THEMIS: variants seen among roughly 807,000 people sequenced by gnomAD.
THEMIS encodes protein THEMIS.
In THEMIS, 37 loss-of-function variants were observed where a neutral mutation model predicts 52.6. The ratio of observed to expected loss-of-function variants is 0.70; its 90% CI spans 0.54 to 0.93. The LOEUF (loss-of-function observed/expected upper bound fraction) is 0.93. Among genes scored for constraint, THEMIS ranks in the 40% least tolerant of loss-of-function variants. The probability of loss-of-function intolerance (pLI) is 0.00; values close to 1 mark genes in which losing one functional copy is unlikely to be tolerated. For missense variants in THEMIS, 808 were observed against 763.1 expected, an observed-to-expected ratio of 1.06 and a Z score of -0.69; for synonymous variants, 292 against 272.7, an observed-to-expected ratio of 1.07 and a Z score of -0.70.
chr6:127,718,856 A>G (rs1193963867), intron 5 of THEMIS, among the ~76,000 whole-genome samples: 3 of 151,912 alleles, frequency 2.0e-5, no homozygotes, highest in Non-Finnish European at 2.9e-5. Flanking sequence ...AGCTAACTAC[A>G]TGAAAGAACC....
intron 2 of THEMIS, among the ~76,000 whole-genome samples, chr6:127,840,418 T>C (rs1235790874): frequency 2.0e-5 from 3 of 152,124 alleles, no homozygotes; most frequent in African/African-American, 7.2e-5. Context: ...AACATGTGTC[T>C]ATATGTATGC....
At chr6:127,700,043 C>T in the THEMIS span, among the ~76,000 whole-genome samples, 18 of 151,478 alleles carry the variant, frequency 1.2e-4, no homozygotes, top group South Asian at 1.5e-3. Flanking sequence ...AAAATATTTG[C>T]GAATCACATT....
At chr6:127,845,338 A>G (rs893209349) in intron 2 of THEMIS, among the ~76,000 whole-genome samples, 20 of 152,062 alleles carry the variant, frequency 1.3e-4, no homozygotes, top group African/African-American at 4.8e-4. Context: ...AGAGCAGGTC[A>G]ATTTTTTTCA....
chr6:127,717,966 A>G (rs1774229579), intron 5 of THEMIS, among the ~76,000 whole-genome samples: 1 of 151,844 alleles, frequency 6.6e-6, no homozygotes, highest in South Asian at 2.1e-4. Flanking sequence ...CCCATCCTGA[A>G]CTCAAAGAAG....
chr6:127,744,745 T>C (rs1397949281), intron 4 of THEMIS, among the ~76,000 whole-genome samples: 2 of 151,948 alleles, frequency 1.3e-5, no homozygotes, highest in African/African-American at 4.8e-5. Flanking sequence ...ATTATAGATA[T>C]ATGCTCTACA....
At chr6:127,699,188 A>G in the THEMIS span, among the ~76,000 whole-genome samples, 1 of 151,806 alleles carries the variant, frequency 6.6e-6, no homozygotes, top group Non-Finnish European at 1.5e-5. Context: ...AAAAGTGCCT[A>G]TGTGATCCAC....
intron 4 of THEMIS, among the ~76,000 whole-genome samples, chr6:127,806,236 G>A (rs1429075848): frequency 6.6e-6 from 1 of 152,022 alleles, no homozygotes; most frequent in Non-Finnish European, 1.5e-5. Flanking sequence ...GAAATCTAGT[G>A]CAAAATAATT....
chr6:127,703,460 T>C (rs1021407893), downstream of THEMIS, among the ~76,000 whole-genome samples: 3 of 152,248 alleles, frequency 2.0e-5, no homozygotes, highest in Admixed American at 2.0e-4. Flanking sequence ...AAGTACTATG[T>C]GGGGCAAGAA....
intron 4 of THEMIS, among the ~76,000 whole-genome samples, chr6:127,764,935 C>T (rs994371734): frequency 1.1e-4 from 16 of 151,908 alleles, no homozygotes; most frequent in African/African-American, 3.9e-4. Flanking sequence ...GAGCCACCAC[C>T]AGGGAAACCT....
chr6:127,830,651 A>C (rs931658556), intron 2 of THEMIS, among the ~76,000 whole-genome samples: 1 of 151,892 alleles, frequency 6.6e-6, no homozygotes, highest in Non-Finnish European at 1.5e-5. Context: ...ACTCCACTGC[A>C]CTCCAGCCTG....
chr6:127,852,496 A>T (rs993256424), intron 2 of THEMIS, among the ~76,000 whole-genome samples: 7 of 151,596 alleles, frequency 4.6e-5, no homozygotes, highest in Non-Finnish European at 8.9e-5. Flanking sequence ...GTCTCAATAC[A>T]TTTAAAAGGA....
At chr6:127,803,408 TA>T (rs1777600994) in intron 4 of THEMIS, among the ~76,000 whole-genome samples, 1 of 152,268 alleles carries the variant, frequency 6.6e-6, no homozygotes, top group Middle Eastern at 3.4e-3. Context: ...CTTTTTTTTC[TA>T]AATTTTTCTT....
At chr6:127,841,775 C>A (rs1354447411) in intron 2 of THEMIS, among the ~76,000 whole-genome samples, 4 of 151,786 alleles carry the variant, frequency 2.6e-5, no homozygotes, top group African/African-American at 9.7e-5. Flanking sequence ...GCCTGAATTT[C>A]TTTTGCATGC....
chr6:127,698,616 T>G, the THEMIS span, among the ~76,000 whole-genome samples: 1 of 152,064 alleles, frequency 6.6e-6, no homozygotes, highest in Admixed American at 6.5e-5. Flanking sequence ...CAACAGCATA[T>G]TCACTCAGAT....
intron 4 of THEMIS, among the ~76,000 whole-genome samples, chr6:127,759,984 T>C (rs78134104): frequency 0.026 from 3,941 of 151,944 alleles, 185 homozygotes; most frequent in African/African-American, 0.091. Flanking sequence ...GCTTCCCAAC[T>C]GAAAACCCTA....
chr6:127,888,744 C>T (rs535798584), intron 1 of THEMIS, among the ~76,000 whole-genome samples: 1 of 151,942 alleles, frequency 6.6e-6, no homozygotes, highest in African/African-American at 2.4e-5. Context: ...GCTACATATA[C>T]AAAGTCAACA....
chr6:127,743,307 C>A (rs942896219), intron 4 of THEMIS, among the ~76,000 whole-genome samples: 1 of 152,226 alleles, frequency 6.6e-6, no homozygotes, highest in African/African-American at 2.4e-5. Context: ...GAAGCCTAAG[C>A]CTAGGAAAAT....
chr6:127,797,237 G>A (rs1274897642), intron 4 of THEMIS, among the ~76,000 whole-genome samples: 1 of 152,170 alleles, frequency 6.6e-6, no homozygotes, highest in Non-Finnish European at 1.5e-5. Context: ...TCTTTATAAT[G>A]TTGAAATGGC....
chr6:127,837,194 A>C lies in THEMIS; in HGVS notation c.251-7260T>G, dbSNP rs1583334035. The stretch of plus-strand genomic sequence containing the variant: ...ACAGAAAATGATAGAAAACGATGAA[A>C]ACTTACCATATCATCAAAAACTAAG... On this transcript the variant is annotated intron_variant, in intron 2 of 5. Transcript: ENST00000368248. Among the ~76,000 whole-genome samples the C allele has an allele frequency of 4.6e-5, 7 of 152,150 alleles. No individual in the cohort carries two copies. In the South Asian group the frequency reaches 1.5e-3, roughly 32 times the overall value.
Sources: allele counts gnomAD v4.1 joint callset (sites outside exome capture counted in the v4.1 genomes callset), GRCh38; gene constraint gnomAD v4.1.1; transcripts MANE v1.5; gene names NCBI Gene and HGNC (gene_info 2026-07-23, HGNC 2026-07-21).